The following ARAP2 variants were observed in gnomAD, a reference collection of about 807,000 sequenced individuals.
The protein encoded by ARAP2 is arf-GAP with Rho-GAP domain, ANK repeat and PH domain-containing protein 2.
ARAP2 carries 148 observed loss-of-function variants against 194.5 expected under a neutral mutation model. That is an observed-to-expected ratio of 0.76 (90% CI 0.67 to 0.87). The LOEUF (loss-of-function observed/expected upper bound fraction) is 0.87, where lower values mean the gene tolerates loss of function less well. Ranked by LOEUF, ARAP2 falls within the 40% of genes least tolerant of loss-of-function variation. The pLI is 0.00. For missense variants in ARAP2, 2,128 were observed against 1,989.7 expected (o/e 1.07, Z -1.32); for synonymous variants, 695 against 683.5 (o/e 1.02, Z -0.26).
intron 1 of ARAP2, among the ~76,000 whole-genome samples, chr4:36,058,488 T>C (rs1273022319): frequency 2.0e-5 from 3 of 152,198 alleles, no homozygotes; most frequent in Non-Finnish European, 2.9e-5. Context: ...TGCAGAAAAA[T>C]AGCAGCTATA....
chr4:36,090,919 A>T (rs1263328484), intron 28 of ARAP2, among the ~76,000 whole-genome samples: 2 of 152,172 alleles, frequency 1.3e-5, no homozygotes, highest in Non-Finnish European at 2.9e-5. Flanking sequence ...AAAAATTTCA[A>T]CAAATTAAAG....
At position 36,114,057 on chromosome 4, in the gene ARAP2, TA is replaced by T. The variant is rs533381646; in HGVS notation, c.4156+112del. On this transcript the variant is annotated intron_variant, in intron 26 of 32. Transcript: ENST00000303965. ...ACATATATTAATACATGCACTAAGG[TA>T]AAAAAAATCATAACAAGATGTTAAG... 4.8e-4 allele frequency: 397 copies of T among 819,410 alleles called. 1 individual carries two copies. The highest frequency in any genetic ancestry group is 1.5e-3 in the Middle Eastern group (4 of 2,698). The allele number at this position is 819,410 out of a possible 1,614,324, so 50.8% of individuals were successfully genotyped here. A position where few individuals can be genotyped will look rare whatever the true frequency, so the allele number is the denominator to read the frequency against.
intron 12 of ARAP2, among the ~76,000 whole-genome samples, chr4:36,160,850 A>T (rs1287170937): frequency 6.6e-6 from 1 of 152,210 alleles, no homozygotes; most frequent in African/African-American, 2.4e-5. Flanking sequence ...TAAATAATGG[A>T]GAAAAATTAG....
intron 2 of ARAP2, among the ~76,000 whole-genome samples, 196 bp from the exon 3 acceptor site, chr4:36,214,676 A>G (rs1747519660): frequency 6.6e-6 from 1 of 152,214 alleles, no homozygotes; most frequent in African/African-American, 2.4e-5. Flanking sequence ...AAAAAGCTGA[A>G]CAGCCAAATT....
intron 3 of ARAP2, among the ~76,000 whole-genome samples, chr4:36,049,980 T>C (rs1311671916): frequency 6.6e-6 from 1 of 152,162 alleles, no homozygotes; most frequent in Non-Finnish European, 1.5e-5. Context: ...CGGTAATTAG[T>C]TTTTTACTTA....
At position 36,147,554 on chromosome 4, in the gene ARAP2, C is replaced by CT. The variant is rs1339060330; in HGVS notation, c.3192dup (p.Glu1065ArgfsTer44). Reference sequence around the variant, plus strand: ...GGAAGAAAAAAGCTCTTACTTAGCTCTTGCAGTCTTCTTAAGTGCATTCTA... The same window carrying CT: ...GGAAGAAAAAAGCTCTTACTTAGCTCTTTGCAGTCTTCTTAAGTGCATTCTA... On this transcript the variant is annotated frameshift_variant, in exon 18 of 33. Coordinates refer to ENST00000303965, the MANE Select transcript of ARAP2 (RefSeq NM_015230.4). LOFTEE classifies it high-confidence loss of function. 1 of 1,609,430 alleles carries CT rather than the reference C, an allele frequency of 6.2e-7. No homozygotes were observed. The highest frequency in any genetic ancestry group is 8.5e-7 in the Non-Finnish European group (1 of 1,178,618).
At chr4:36,186,051 A>C (rs779012387) in intron 8 of ARAP2, among the ~76,000 whole-genome samples, 2 of 152,150 alleles carry the variant, frequency 1.3e-5, no homozygotes, top group Non-Finnish European at 2.9e-5. Flanking sequence ...GACTTAGCAA[A>C]GTGTCTGGCA....
intron 3 of ARAP2, among the ~76,000 whole-genome samples, chr4:36,049,918 A>T (rs1434170141): frequency 6.6e-6 from 1 of 152,210 alleles, no homozygotes; most frequent in Non-Finnish European, 1.5e-5. Flanking sequence ...GCATTATTAA[A>T]ATAATCTTAA....
At chr4:36,117,008 G>T in intron 25 of ARAP2, 53 bp downstream of exon 25, 3 of 1,189,502 alleles carry the variant, frequency 2.5e-6, no homozygotes, top group Admixed American at 2.8e-5. Context: ...ATAAAATAAT[G>T]CTAACATTTG....
chr4:36,166,358 T>C (rs68099279), intron 10 of ARAP2, among the ~76,000 whole-genome samples: 13,328 of 152,014 alleles, frequency 0.088, 634 homozygotes, highest in Middle Eastern at 0.13. Context: ...TAAACCATAT[T>C]AATACTTTAA....
At chr4:36,078,224 G>A (rs1038467485) in intron 31 of ARAP2, among the ~76,000 whole-genome samples, 35 of 152,220 alleles carry the variant, frequency 2.3e-4, no homozygotes, top group Middle Eastern at 6.8e-3. Flanking sequence ...ACATGAAATA[G>A]CTAATTACAT....
intron 7 of ARAP2, among the ~76,000 whole-genome samples, chr4:36,192,200 A>G (rs1300452275): frequency 7.2e-6 from 1 of 138,092 alleles, no homozygotes; most frequent in African/African-American, 2.7e-5. Context: ...TTTTGCCAAA[A>G]TGTAACCAAC....
intron 6 of ARAP2, among the ~76,000 whole-genome samples, chr4:36,202,370 C>T (rs963788677): frequency 6.6e-6 from 1 of 152,004 alleles, no homozygotes; most frequent in Admixed American, 6.6e-5. Context: ...TTTGAGCAAA[C>T]CAAAATAGCA....
At chr4:36,043,831 G>GGGAAGGGAAGGCAAGGGAACGGA (rs1560311515) in intron 5 of ARAP2, among the ~76,000 whole-genome samples, 1 of 14,044 alleles carries the variant, frequency 7.1e-5, no homozygotes, top group African/African-American at 2.2e-4. Flanking sequence ...AAGGGAAGGG[G>GGGAAGGGAAGGCAAGGGAACGGA]AGGGGAGGGG....
At chr4:36,063,508 G>A (rs1724818787), downstream of ARAP2, among the ~76,000 whole-genome samples, 1 of 151,508 alleles carries the variant, frequency 6.6e-6, no homozygotes, top group Admixed American at 6.6e-5. Context: ...ACCTGACCAT[G>A]GACGAAGCAG....
rs202239338 is a variant in ARAP2 at position 36,228,955 on chromosome 4, T to A, written c.532A>T (p.Ile178Leu). 6.2e-7 allele frequency: 1 copy of A among 1,614,122 alleles called. No homozygotes were observed. Among genetic ancestry groups the A allele is most frequent in the Non-Finnish European group, 8.5e-7 (1 of 1,179,998 alleles). Residue 178 changes from isoleucine (I) to leucine (L), a missense_variant, in exon 2 of 33, where the codon ATA becomes TTA. Physicochemically the swap from Ile to Leu is conservative, Grantham distance 5. Transcript: ENST00000303965. ...GTCTTCTTTGTAATCAATGATTCTA[T>A]TTTAATATTGTCACTACCAAATAAA... ...DSLFGSDNIKIESLITKKTVD... is the reference protein window; with the variant it reads ...DSLFGSDNIKLESLITKKTVD...
At chr4:36,104,828 T>A (rs1717947303) in intron 27 of ARAP2, among the ~76,000 whole-genome samples, 1 of 152,054 alleles carries the variant, frequency 6.6e-6, no homozygotes, top group African/African-American at 2.4e-5. Flanking sequence ...TTGACCAGAC[T>A]ACATAACTAC....
At position 36,066,727 on chromosome 4, in the gene ARAP2, G is replaced by A. The variant is rs1045320940; in HGVS notation, c.*1180C>T. ...CACCAATTCAGTAGCTGATCTTTAT[G>A]TGGAAACAAAAATAGGGCTTTGTCC... On this transcript the variant is annotated 3_prime_UTR_variant, in exon 33 of 33. Transcript: ENST00000303965. 2.2e-4 allele frequency: 34 copies of A among 152,026 alleles called. No homozygotes were observed. Among genetic ancestry groups the A allele is most frequent in the African/African-American group, 8.2e-4 (34 of 41,420 alleles). The allele number at this position is 152,026 out of a possible 1,614,324, so 9.4% of individuals were successfully genotyped here.
intron 1 of ARAP2, among the ~76,000 whole-genome samples, chr4:36,237,565 C>T (rs147261584): frequency 6.6e-6 from 1 of 152,168 alleles, no homozygotes. Flanking sequence ...CTGGCACCTC[C>T]TCCATCTCTT....
Sources: allele counts gnomAD v4.1 joint callset (sites outside exome capture counted in the v4.1 genomes callset), GRCh38; gene constraint gnomAD v4.1.1; transcripts MANE v1.5; gene names NCBI Gene and HGNC (gene_info 2026-07-23, HGNC 2026-07-21).